Variants in ACOT1 observed in about 807,000 individuals in gnomAD.
ACOT1 encodes the protein acyl-CoA thioesterase 1.
ACOT1 carries 8 observed loss-of-function variants against 15.7 expected under a neutral mutation model. That is an observed-to-expected ratio of 0.51 (90% CI 0.30 to 0.92). The LOEUF (loss-of-function observed/expected upper bound fraction) is 0.92, where lower values mean the gene tolerates loss of function less well. ACOT1 is among the 40% of genes least tolerant of loss of function. ACOT1 has a pLI of 0.06. For synonymous variants in ACOT1, 67 were observed against 241.2 expected, an observed-to-expected ratio of 0.28 and a Z score of 6.69; for missense variants, 151 against 539.4, an observed-to-expected ratio of 0.28 and a Z score of 7.13.
the ACOT1 span, among the ~76,000 whole-genome samples, chr14:73,511,544 TAAATAAATAAATAAATAAATA>T: frequency 4.7e-5 from 6 of 127,920 alleles, no homozygotes; most frequent in Non-Finnish European, 8.6e-5. Flanking sequence ...AATAAATAAA[TAAATAAATAAATAAATAAATA>T]AAATAAAATA....
chr14:73,514,153 T>C, the ACOT1 span: 1 of 1,614,184 alleles, frequency 6.2e-7, no homozygotes, highest in South Asian at 1.1e-5. Context: ...AGGCACATCC[T>C]TCTCACCCAC....
the ACOT1 span, among the ~76,000 whole-genome samples, chr14:73,524,440 A>T: frequency 2.3e-4 from 35 of 150,724 alleles, no homozygotes; most frequent in African/African-American, 7.3e-4. Flanking sequence ...AACACTGTAG[A>T]TAACAAATGC....
Position 73,542,698 on chromosome 14 carries a change from G to T in ACOT1, c.661-352G>T, listed in dbSNP as rs111884803. Among the ~76,000 whole-genome samples, 22 of 111,682 alleles carry T rather than the reference G, an allele frequency of 2.0e-4. 5 individuals carry two copies. The highest frequency in any genetic ancestry group is 5.1e-4 in the Admixed American group (5 of 9,884). 73.3% of individuals were successfully genotyped at this position (111,682 alleles called of 152,430 possible). A position where few individuals can be genotyped will look rare whatever the true frequency, so the allele number is the denominator to read the frequency against. ...TGGGATTACAGGCGTCAGCCACCACGCCCGGCCATGAGATGACGTACTTGT... is the reference window on the plus strand; with the variant it reads ...TGGGATTACAGGCGTCAGCCACCACTCCCGGCCATGAGATGACGTACTTGT... On this transcript the variant is annotated intron_variant, in intron 2 of 2. Coordinates refer to ENST00000311148, the MANE Select transcript of ACOT1 (RefSeq NM_001037161.2).
upstream of ACOT1, among the ~76,000 whole-genome samples, chr14:73,534,304 G>A (rs1399777340): frequency 9.2e-6 from 1 of 108,160 alleles, no homozygotes; most frequent in South Asian, 3.0e-4. Context: ...ACTGGAACCC[G>A]GGAGCCAGAA....
chr14:73,509,095 A>G, the ACOT1 span, among the ~76,000 whole-genome samples: 2 of 152,080 alleles, frequency 1.3e-5, no homozygotes, highest in African/African-American at 2.4e-5. Flanking sequence ...TAGAACTCCT[A>G]TGCTCAGGTG....
At chr14:73,491,971 G>T in the ACOT1 span, 1 of 1,613,874 alleles carries the variant, frequency 6.2e-7, no homozygotes, top group African/African-American at 1.3e-5. Context: ...TTCAAGAGCA[G>T]TTTGGAAGCA....
At chr14:73,493,167 A>C in the ACOT1 span, 33 of 1,540,644 alleles carry the variant, frequency 2.1e-5, no homozygotes, top group South Asian at 1.2e-4. Context: ...TGGAAAAAAA[A>C]CCCTTGATCC....
upstream of ACOT1, among the ~76,000 whole-genome samples, chr14:73,535,775 G>A (rs1595151910): frequency 1.7e-5 from 2 of 114,568 alleles, no homozygotes; most frequent in Non-Finnish European, 3.8e-5. Context: ...CACCGCGCCT[G>A]GCCCCTTTTT....
chr14:73,524,975 C>T, the ACOT1 span, among the ~76,000 whole-genome samples: 3 of 152,152 alleles, frequency 2.0e-5, no homozygotes, highest in South Asian at 2.1e-4. Context: ...TAAAAGTGAC[C>T]GTATTGTATT....
the ACOT1 span, chr14:73,506,339 AAGT>A: frequency 3.1e-6 from 2 of 654,944 alleles, no homozygotes; most frequent in Non-Finnish European, 5.4e-6. Flanking sequence ...TAGAAGTAAG[AAGT>A]AGTGATGTGG....
At chr14:73,501,967 G>A in the ACOT1 span, among the ~76,000 whole-genome samples, 4 of 150,934 alleles carry the variant, frequency 2.7e-5, no homozygotes, top group East Asian at 2.0e-4. Flanking sequence ...GGATGGTCTC[G>A]ATCTCCTGAC....
At chr14:73,535,730 C>T (rs1389236619), upstream of ACOT1, among the ~76,000 whole-genome samples, 5 of 113,322 alleles carry the variant, frequency 4.4e-5, 2 homozygotes, top group Non-Finnish European at 9.6e-5. Flanking sequence ...CCACCCGCCT[C>T]GGCCTCCCAA....
At chr14:73,499,443 GTAC>G in the ACOT1 span, among the ~76,000 whole-genome samples, 3 of 152,234 alleles carry the variant, frequency 2.0e-5, no homozygotes, top group Non-Finnish European at 2.9e-5. Context: ...TCGTGCCACT[GTAC>G]TCCAGCCTGG....
chr14:73,522,713 T>G, the ACOT1 span: 38 of 1,614,128 alleles, frequency 2.4e-5, no homozygotes, highest in Non-Finnish European at 1.6e-5. Flanking sequence ...TTTCTTCAGC[T>G]TCTTTTCGGG....
the ACOT1 span, chr14:73,491,251 G>C: frequency 1.3e-6 from 2 of 1,582,238 alleles, no homozygotes; most frequent in South Asian, 2.3e-5. Context: ...TGGGGGACGC[G>C]CTACCCGGTG....
chr14:73,506,276 G>A, the ACOT1 span, among the ~76,000 whole-genome samples: 3 of 152,194 alleles, frequency 2.0e-5, no homozygotes, highest in African/African-American at 7.2e-5. Context: ...CCAGTGCACT[G>A]AGAAGCATTG....
the ACOT1 span, among the ~76,000 whole-genome samples, chr14:73,507,201 C>T: frequency 1.7e-3 from 261 of 152,268 alleles, 1 homozygote; most frequent in African/African-American, 6.0e-3. Flanking sequence ...CAAATATAGG[C>T]CTCTGCAGTT....
chr14:73,525,769 A>G, the ACOT1 span, among the ~76,000 whole-genome samples: 1 of 152,126 alleles, frequency 6.6e-6, no homozygotes. Context: ...CCTGGCCAAC[A>G]TGGAGAAACC....
chr14:73,491,391 C>A, the ACOT1 span: 4 of 1,351,412 alleles, frequency 3.0e-6, no homozygotes, highest in Non-Finnish European at 3.8e-6. Flanking sequence ...CTGGTGCCCG[C>A]TTCCGCGCCG....
Sources: gnomAD v4.1 joint callset for allele counts (sites outside exome capture counted in the v4.1 genomes callset) on GRCh38, gnomAD v4.1.1 for gene constraint, MANE v1.5 for transcripts, NCBI Gene and HGNC (gene_info 2026-07-23, HGNC 2026-07-21) for gene names.